The following PTPN13 variants were observed in gnomAD, a reference collection of about 807,000 sequenced individuals.
PTPN13 encodes the protein protein tyrosine phosphatase non-receptor type 13, also known as tyrosine-protein phosphatase non-receptor type 13.
A neutral mutation model predicts 284.0 loss-of-function variants in PTPN13; 191 were observed. That is an observed-to-expected ratio of 0.67 (90% CI 0.60 to 0.76). The LOEUF is 0.76. PTPN13 is among the 30% of genes least tolerant of loss of function. The pLI is 0.00. For missense variants in PTPN13, 2,797 were observed against 2,939.9 expected (o/e 0.95, Z 1.12); for synonymous variants, 986 against 1,022.3 (o/e 0.96, Z 0.68).
rs34939020 is a variant in PTPN13 at position 86,669,285 on chromosome 4, G to GTATATATATATATA, written c.116-3061_116-3048dup. On this transcript the variant is annotated intron_variant, in intron 2 of 47. Transcript: ENST00000411767. ...TGACCTGTAATGTTGGGAAGAAGAT[G>GTATATATATATATA]TATATATATATATATATATATATAT... Among the ~76,000 whole-genome samples the GTATATATATATATA allele has an allele frequency of 9.2e-4, 104 of 113,356 alleles. 1 individual carries two copies. The highest frequency in any genetic ancestry group is 2.0e-3 in the African/African-American group (60 of 29,710). 74.4% of individuals were successfully genotyped at this position (113,356 alleles called of 152,430 possible).
At chr4:86,596,615 T>G (rs891543811) in intron 1 of PTPN13, among the ~76,000 whole-genome samples, 1 of 152,200 alleles carries the variant, frequency 6.6e-6, no homozygotes, top group Non-Finnish European at 1.5e-5. Context: ...GAATGAAATT[T>G]ATGTATTCTT....
At chr4:86,738,405 A>T (rs1477015653) in intron 15 of PTPN13, among the ~76,000 whole-genome samples, 3 of 152,190 alleles carry the variant, frequency 2.0e-5, no homozygotes, top group Admixed American at 6.5e-5. Flanking sequence ...TAACATTTGA[A>T]ATAGGTGAAT....
At position 86,764,662 on chromosome 4, in the gene PTPN13, C is replaced by G; in HGVS notation, c.4087C>G (p.Pro1363Ala). 6.2e-7 allele frequency: 1 copy of G among 1,603,998 alleles called. No individual in the cohort carries two copies. Among genetic ancestry groups the G allele is most frequent in the Non-Finnish European group, 8.5e-7 (1 of 1,175,918 alleles). Residue 1363 changes from proline to alanine, a missense_variant, in exon 25 of 48, where the codon CCT becomes GCT. Pro to Ala is a conservative substitution (Grantham distance 27). Coordinates refer to ENST00000411767, the MANE Select transcript of PTPN13 (RefSeq NM_080683.3). ...AACTTTTTCTTCATCACCTCCTAAGCCTGGAGATATCTTTGAGGTTGAACT... is the reference window on the plus strand; with the variant it reads ...AACTTTTTCTTCATCACCTCCTAAGGCTGGAGATATCTTTGAGGTTGAACT... ...FKTFSSSPPK[P>A]GDIFEVELAK... is the part of the protein sequence containing the mutation.
At chr4:86,705,539 A>G (rs1731663447) in intron 7 of PTPN13, among the ~76,000 whole-genome samples, 1 of 152,166 alleles carries the variant, frequency 6.6e-6, no homozygotes, top group Non-Finnish European at 1.5e-5. Context: ...TTTATTGTAC[A>G]CATTTCTTTC....
chr4:86,748,711 A>C (rs1395811705), intron 17 of PTPN13, among the ~76,000 whole-genome samples: 1 of 152,114 alleles, frequency 6.6e-6, no homozygotes, highest in Admixed American at 6.5e-5. Context: ...GCTGGAGTGC[A>C]GTGGCGCGAT....
chr4:86,802,459 C>A (rs9307026), intron 42 of PTPN13, among the ~76,000 whole-genome samples: 43,159 of 151,850 alleles, frequency 0.28, 6,253 homozygotes, highest in African/African-American at 0.31. Flanking sequence ...AATTTTTAAA[C>A]AGTGCCATAT....
chr4:86,797,553 G>T (rs1743491447), intron 41 of PTPN13, among the ~76,000 whole-genome samples: 1 of 151,948 alleles, frequency 6.6e-6, no homozygotes, highest in Non-Finnish European at 1.5e-5. Flanking sequence ...CTAGTGACAT[G>T]TGAAAATGTG....
chr4:86,699,340 G>A (rs1248656490), intron 6 of PTPN13, among the ~76,000 whole-genome samples: 1 of 151,880 alleles, frequency 6.6e-6, no homozygotes, highest in Admixed American at 6.6e-5. Flanking sequence ...GAGCCAAGAT[G>A]GCGCCACTGC....
rs1297307123 is a variant in PTPN13, at chr4:86,672,385, G to T, written c.136G>T (p.Ala46Ser). ...FRKVSLADPAALGFIISPWSL... is the reference protein window; with the variant it reads ...FRKVSLADPASLGFIISPWSL... The stretch of plus-strand genomic sequence containing the variant: ...ACCAGTAAGCCTAGCTGATCCTGCT[G>T]CCCTTGGCTTCATCATTTCTCCATG... Residue 46 changes from alanine to serine, a missense_variant, in exon 3 of 48, where the codon GCC (alanine) becomes TCC (serine). Coordinates refer to ENST00000411767, the MANE Select transcript of PTPN13 (RefSeq NM_080683.3). 3 of 1,551,546 alleles carry T rather than the reference G, an allele frequency of 1.9e-6. No homozygotes were observed. The highest frequency in any genetic ancestry group is 2.7e-5 in the African/African-American group (2 of 72,984).
At chr4:86,805,439 T>C (rs1744548835) in intron 44 of PTPN13, 70 bp downstream of exon 44, 1 of 867,534 alleles carries the variant, frequency 1.2e-6, no homozygotes, top group Admixed American at 3.1e-5. Context: ...ATTTTTTGTG[T>C]TTAACTTACC....
At chr4:86,792,292 GA>G (rs765359156) in intron 40 of PTPN13, among the ~76,000 whole-genome samples, 12 of 152,104 alleles carry the variant, frequency 7.9e-5, no homozygotes, top group Non-Finnish European at 1.5e-4. Flanking sequence ...AATAAAGCAA[GA>G]AGACAAGATT....
At chr4:86,760,743 A>G (rs1738575080) in intron 23 of PTPN13, among the ~76,000 whole-genome samples, 1 of 152,010 alleles carries the variant, frequency 6.6e-6, no homozygotes, top group South Asian at 2.1e-4. Flanking sequence ...TTTTCTGTCC[A>G]TGCTAAATAA....
intron 9 of PTPN13, among the ~76,000 whole-genome samples, chr4:86,718,612 G>A (rs752740328): frequency 6.6e-6 from 1 of 151,948 alleles, no homozygotes; most frequent in African/African-American, 2.4e-5. Context: ...CACCATGCCC[G>A]GCTAAGTTTT....
intron 40 of PTPN13, among the ~76,000 whole-genome samples, chr4:86,794,248 A>C (rs1442565725): frequency 2.0e-5 from 3 of 150,692 alleles, no homozygotes; most frequent in Non-Finnish European, 4.5e-5. Flanking sequence ...AAGCATTCAT[A>C]TACACCAACA....
chr4:86,754,209 C>T (rs1424359865), intron 20 of PTPN13, among the ~76,000 whole-genome samples: 2 of 151,888 alleles, frequency 1.3e-5, no homozygotes, highest in Non-Finnish European at 1.5e-5. Flanking sequence ...AATGTATCCT[C>T]GAAAAATATG....
intron 15 of PTPN13, among the ~76,000 whole-genome samples, chr4:86,740,114 G>T (rs1013761482): frequency 1.3e-5 from 2 of 152,148 alleles, no homozygotes; most frequent in African/African-American, 4.8e-5. Flanking sequence ...GCAAGCTGTC[G>T]TTGGATCTAC....
rs1565630018 is a variant in PTPN13, at chr4:86,807,724, G to A, written c.6910G>A (p.Val2304Met). 1.2e-6 allele frequency: 2 copies of A among 1,614,038 alleles called. No individual in the cohort carries two copies. Among genetic ancestry groups the A allele is most frequent in the East Asian group, 2.2e-5 (1 of 44,886 alleles). The change falls in exon 45 of 48, where the codon GTG (valine) becomes ATG (methionine). Residue 2304 changes from valine to methionine, a missense_variant. Coordinates refer to ENST00000411767, the MANE Select transcript of PTPN13 (RefSeq NM_080683.3). ...GATGATTTGGGAGCAAAAATCCACAGTGATAGCCATGATGACTCAAGAAGT... is the reference window on the plus strand; with the variant it reads ...GATGATTTGGGAGCAAAAATCCACAATGATAGCCATGATGACTCAAGAAGT... The part of the protein sequence containing the change: ...WQMIWEQKST[V>M]IAMMTQEVEG...
intron 24 of PTPN13, 107 bp downstream of exon 24, chr4:86,763,297 A>T: frequency 2.0e-6 from 2 of 992,608 alleles, no homozygotes. Flanking sequence ...TATTCTGGAA[A>T]AAAGAAATAG....
chr4:86,718,455 C>CTTTTCTTTTTTTTTTTTTTTTTTTTTTTT (rs1733263905), intron 9 of PTPN13, among the ~76,000 whole-genome samples: 1 of 140,164 alleles, frequency 7.1e-6, no homozygotes, highest in Non-Finnish European at 1.6e-5. Context: ...TAATGGTCCA[C>CTTTTCTTTTTTTTTTTTTTTTTTTTTTTT]TTTTTTTTTT....
Sources: allele counts gnomAD v4.1 joint callset (sites outside exome capture counted in the v4.1 genomes callset), GRCh38; gene constraint gnomAD v4.1.1; transcripts MANE v1.5; gene names NCBI Gene and HGNC (gene_info 2026-07-23, HGNC 2026-07-21).